CCNB3: variants seen among roughly 807,000 people sequenced by gnomAD.
CCNB3 encodes the protein cyclin B3, also known as G2/mitotic-specific cyclin-B3.
In CCNB3, 12 loss-of-function variants were observed where a neutral mutation model predicts 68.0. The observed-to-expected ratio is 0.18, with a 90% CI of 0.11 to 0.29. The LOEUF is 0.29. Among genes scored for constraint, CCNB3 ranks in the 10% least tolerant of loss-of-function variants. CCNB3 has a pLI of 1.00. For synonymous variants in CCNB3, 354 were observed against 388.9 expected (o/e 0.91, Z 1.06); for missense variants, 904 against 993.1 (o/e 0.91, Z 1.21).
intron 5 of CCNB3, among the ~76,000 whole-genome samples, chrX:50,302,160 C>T: frequency 8.9e-6 from 1 of 112,314 alleles, no homozygotes; most frequent in Non-Finnish European, 1.9e-5. Context: ...CTGTCTGGCA[C>T]TCCCCAGTGA....
At chrX:50,350,954 C>G (rs1923648623) in intron 11 of CCNB3, among the ~76,000 whole-genome samples, 1 of 111,284 alleles carries the variant, frequency 9.0e-6, no homozygotes, top group African/African-American at 3.3e-5. Context: ...GCCTCGGGCT[C>G]CTAATATGCT....
chrX:50,204,514 C>A (rs2146967314), upstream of CCNB3: 1 of 108,813 alleles, frequency 9.2e-6, no homozygotes, highest in Admixed American at 9.8e-5. Flanking sequence ...GGTGGCGGGG[C>A]GCGCGCGTGT....
chrX:50,282,120 A>C (rs1360701654), intron 1 of CCNB3, among the ~76,000 whole-genome samples: 1 of 111,654 alleles, frequency 9.0e-6, no homozygotes, highest in African/African-American at 3.3e-5. Context: ...TTAAATTGCT[A>C]ACAAATTTCC....
chrX:50,316,145 A>T (rs944826965), intron 8 of CCNB3, among the ~76,000 whole-genome samples: 4 of 110,731 alleles, frequency 3.6e-5, no homozygotes, highest in Non-Finnish European at 5.7e-5. Flanking sequence ...GTCTCACGAG[A>T]TCAGATGGTT....
At chrX:50,292,881 G>C (rs1936374481) in intron 4 of CCNB3, among the ~76,000 whole-genome samples, 1 of 111,282 alleles carries the variant, frequency 9.0e-6, no homozygotes, top group Admixed American at 9.6e-5. Context: ...CTTTGTCCAA[G>C]CCCTGGAGTC....
At chrX:50,295,438 G>T (rs1936436189) in intron 5 of CCNB3, among the ~76,000 whole-genome samples, 1 of 111,381 alleles carries the variant, frequency 9.0e-6, no homozygotes, top group Non-Finnish European at 1.9e-5. Flanking sequence ...GCAAAAACAT[G>T]TGGTTTTCAG....
intron 4 of CCNB3, among the ~76,000 whole-genome samples, chrX:50,292,183 A>T (rs1181382147): frequency 1.8e-5 from 2 of 111,277 alleles, no homozygotes; most frequent in African/African-American, 3.3e-5. Flanking sequence ...TTGTGTAATC[A>T]ATCATCTATA....
chrX:50,345,057 C>CCTCCCTCCCTGCCTCCCTCT (rs1923333397), intron 9 of CCNB3, among the ~76,000 whole-genome samples: 1 of 102,486 alleles, frequency 9.8e-6, no homozygotes, highest in African/African-American at 3.8e-5. Context: ...TTACCCCCTC[C>CCTCCCTCCCTGCCTCCCTCT]CTCCCTCCCT....
chrX:50,313,587 C>G (rs1034864661), intron 7 of CCNB3, among the ~76,000 whole-genome samples: 7 of 111,782 alleles, frequency 6.3e-5, no homozygotes, highest in African/African-American at 2.3e-4. Context: ...AGGGCAGAAC[C>G]TTTTTGGCAT....
At chrX:50,298,819 T>G (rs1250267371) in intron 5 of CCNB3, among the ~76,000 whole-genome samples, 3 of 111,844 alleles carry the variant, frequency 2.7e-5, no homozygotes, top group Non-Finnish European at 5.6e-5. Flanking sequence ...AGTCTGTTAT[T>G]TGTCTATTCA....
chrX:50,215,146 C>T (rs1013050894), intron 1 of CCNB3, among the ~76,000 whole-genome samples: 5 of 109,751 alleles, frequency 4.6e-5, no homozygotes, highest in Middle Eastern at 4.7e-3. Flanking sequence ...CCTGCCACCA[C>T]GCCCGGCTAA....
intron 6 of CCNB3, 144 bp from the exon 7 acceptor site, chrX:50,312,393 T>G (rs1347513162): frequency 1.0e-5 from 5 of 498,789 alleles, no homozygotes; most frequent in Admixed American, 3.3e-5. Flanking sequence ...CAAGGAGTAC[T>G]GTGTTATGGC....
intron 3 of CCNB3, among the ~76,000 whole-genome samples, chrX:50,286,916 G>A (rs1398255431): frequency 8.9e-6 from 1 of 112,501 alleles, no homozygotes; most frequent in Non-Finnish European, 1.9e-5. Flanking sequence ...CCAAAGTGCT[G>A]GGATTACAGG....
chrX:50,279,239 A>T (rs1288680804), intron 1 of CCNB3, among the ~76,000 whole-genome samples: 1 of 69,135 alleles, frequency 1.4e-5, no homozygotes, highest in African/African-American at 6.0e-5. Context: ...AATATATATG[A>T]ATATATATAC....
chrX:50,317,972 A>G (rs971374830), intron 8 of CCNB3, among the ~76,000 whole-genome samples: 5 of 111,244 alleles, frequency 4.5e-5, no homozygotes, highest in African/African-American at 6.5e-5. Context: ...ATTTAGGTCA[A>G]GGTTCTTTTT....
At chrX:50,205,694 G>A (rs1273643534) in intron 1 of CCNB3, among the ~76,000 whole-genome samples, 3 of 111,112 alleles carry the variant, frequency 2.7e-5, no homozygotes, top group African/African-American at 9.8e-5. Context: ...AGTGGCTCAC[G>A]CCTGTAATCC....
chrX:50,338,251 C>A (rs1557219112), intron 8 of CCNB3, among the ~76,000 whole-genome samples: 1 of 112,379 alleles, frequency 8.9e-6, no homozygotes, highest in African/African-American at 3.2e-5. Flanking sequence ...GTCAGGGAAC[C>A]AAGAAATGTA....
chrX:50,343,793 G>C, intron 9 of CCNB3, among the ~76,000 whole-genome samples: 1 of 112,475 alleles, frequency 8.9e-6, no homozygotes. Flanking sequence ...CTGTGTTTGT[G>C]TTTTAAGCTG....
intron 5 of CCNB3, among the ~76,000 whole-genome samples, chrX:50,300,423 G>T (rs1450112890): frequency 3.6e-5 from 4 of 111,410 alleles, no homozygotes; most frequent in African/African-American, 1.3e-4. Flanking sequence ...GAAATTCTGG[G>T]TTGAAAATTC....
Sources: gnomAD v4.1 joint callset for allele counts (sites outside exome capture counted in the v4.1 genomes callset) on GRCh38, gnomAD v4.1.1 for gene constraint, MANE v1.5 for transcripts, NCBI Gene and HGNC (gene_info 2026-07-23, HGNC 2026-07-21) for gene names.